RYR1: variants seen among roughly 807,000 people sequenced by gnomAD.
The protein encoded by RYR1 is central core disease of muscle.
A neutral mutation model predicts 583.5 loss-of-function variants in RYR1; 342 were observed. The ratio of observed to expected loss-of-function variants is 0.59; its 90% CI spans 0.54 to 0.64. The LOEUF is 0.64. RYR1 is among the 30% of genes least tolerant of loss of function. The pLI, the probability that RYR1 is intolerant of heterozygous loss-of-function variation, is 0.00. For synonymous variants in RYR1, 2,791 were observed against 2,822.5 expected, an observed-to-expected ratio of 0.99 and a Z score of 0.35; for missense variants, 6,032 against 6,917.2, an observed-to-expected ratio of 0.87 and a Z score of 4.54.
At chr19:38,497,490 G>A (rs567458352) in intron 42 of RYR1, among the ~76,000 whole-genome samples, 1 of 152,308 alleles carries the variant, frequency 6.6e-6, no homozygotes, top group East Asian at 1.9e-4. Flanking sequence ...CCAGACCCCT[G>A]TTGTCTCATC....
chr19:38,550,952 G>A (rs1972637502), intron 89 of RYR1, among the ~76,000 whole-genome samples: 1 of 144,726 alleles, frequency 6.9e-6, no homozygotes, highest in Admixed American at 7.0e-5. Flanking sequence ...CTGTAAGAAA[G>A]AGTGTTTCCT....
rs1485927859 is a variant in RYR1 at position 38,543,681 on chromosome 19, C to T, written c.11907+21C>T. ...TCCAGGTAGGGCGCTCCCCCTGGGG[C>T]GGGAGTGGGAAGGGAGGGGGTCCCG... On this transcript the variant is annotated intron_variant, in intron 86 of 105. Transcript: ENST00000359596. This position sits in a 1 kb window ranked among gnomAD's most constrained non-coding sequence, Gnocchi z 4.4. 2.5e-6 allele frequency: 4 copies of T among 1,612,930 alleles called. No homozygotes were observed. The highest frequency in any genetic ancestry group is 1.1e-5 in the South Asian group (1 of 91,082).
chr19:38,555,510 TAA>T (rs1444919708), intron 89 of RYR1, among the ~76,000 whole-genome samples: 5 of 150,868 alleles, frequency 3.3e-5, no homozygotes, highest in African/African-American at 1.2e-4. Context: ...TGTGTGGCCT[TAA>T]AAGACGTTCC....
Position 38,502,965 on chromosome 19 carries a change from C to G in RYR1, c.7921C>G (p.Leu2641Val), listed in dbSNP as rs371447916. 1 of 1,609,152 alleles carries G rather than the reference C, an allele frequency of 6.2e-7. No homozygotes were observed. The highest frequency in any genetic ancestry group is 1.1e-5 in the South Asian group (1 of 91,074). The change falls in exon 49 of 106, where the codon CTC becomes GTC. Residue 2641 changes from leucine (L) to valine (V), a missense_variant. Transcript: ENST00000359596. ...CCTCAACGAGTTCGCCAAGATGCCA[C>G]TCAAGGTGAGGGCAAGCGCTCTTTA... ...PILNEFAKMP[L>V]KLLTNHYERC...
chr19:38,441,573 C>T (rs12975212), intron 2 of RYR1, among the ~76,000 whole-genome samples: 10,938 of 149,768 alleles, frequency 0.073, 693 homozygotes, highest in African/African-American at 0.16. Context: ...ATCGAGGGGC[C>T]GAGGGCCTTG....
chr19:38,497,585 G>A (rs182417190), intron 42 of RYR1, among the ~76,000 whole-genome samples: 15 of 152,270 alleles, frequency 9.9e-5, no homozygotes, highest in African/African-American at 3.4e-4. Flanking sequence ...GTTTGTAAAG[G>A]GGCAGTCAGT....
chr19:38,533,783 C>CA (rs1307585464), intron 78 of RYR1, among the ~76,000 whole-genome samples: 1,763 of 76,134 alleles, frequency 0.023, 40 homozygotes, highest in Admixed American at 0.11. Flanking sequence ...GACTCCATCT[C>CA]AAAAAAAAAA....
rs746763718 is a variant in RYR1 at position 38,502,487 on chromosome 19, G to A, written c.7615-20G>A. 2.9e-5 allele frequency: 46 copies of A among 1,598,952 alleles called. No homozygotes were observed. Among genetic ancestry groups the A allele is most frequent in the Middle Eastern group, 1.8e-4 (1 of 5,708 alleles). Reference sequence around the variant, plus strand: ...CCCAGGGGTGTGCAGCGGGCCTGATGTCCTCACCCTGCGCCCTAGGCCACT... The same window carrying A: ...CCCAGGGGTGTGCAGCGGGCCTGATATCCTCACCCTGCGCCCTAGGCCACT... On this transcript the variant is annotated intron_variant, in intron 47 of 105. Transcript: ENST00000359596.
intron 11 of RYR1, 116 bp from the exon 12 acceptor site, chr19:38,451,648 G>T: frequency 8.2e-7 from 1 of 1,223,034 alleles, no homozygotes; most frequent in South Asian, 1.2e-5. Context: ...TTTGCAGTGA[G>T]ATTCTGCAGA....
intron 61 of RYR1, 145 bp from the exon 62 acceptor site, chr19:38,511,927 A>T: frequency 1.0e-6 from 1 of 964,250 alleles, no homozygotes; most frequent in Non-Finnish European, 1.6e-6. Flanking sequence ...GCGCTGTAGG[A>T]GTCTGGGGGG....
Position 38,511,549 on chromosome 19 carries a change from C to G in RYR1, c.9123-12C>G, listed in dbSNP as rs1238566593. The G allele has an allele frequency of 3.7e-6, 6 of 1,613,784 alleles. No individual in the cohort carries two copies. The highest frequency in any genetic ancestry group is 2.2e-5 in the East Asian group (1 of 44,888). On this transcript the variant is annotated splice_polypyrimidine_tract_variant and intron_variant, in intron 60 of 105. Coordinates refer to ENST00000359596, the MANE Select transcript of RYR1 (RefSeq NM_000540.3). Reference sequence around the variant, plus strand: ...TGTTTCTCCTGCCTTCTGTCCCTTTCTCTTTCTTCAGCCTCTTCTGCAAAC... The same window carrying G: ...TGTTTCTCCTGCCTTCTGTCCCTTTGTCTTTCTTCAGCCTCTTCTGCAAAC...
intron 69 of RYR1, 107 bp downstream of exon 69, chr19:38,523,416 C>CCCTGCAGT: frequency 7.8e-7 from 1 of 1,283,232 alleles, no homozygotes; most frequent in Non-Finnish European, 1.1e-6. Flanking sequence ...TGGGCGCAAT[C>CCCTGCAGT]CCTGCAGTCC....
intron 100 of RYR1, 74 bp downstream of exon 100, chr19:38,580,202 G>T: frequency 4.3e-6 from 7 of 1,609,332 alleles, no homozygotes; most frequent in Non-Finnish European, 5.9e-6. Flanking sequence ...AGGGATAAGG[G>T]CCGGGCAGCT....
Position 38,506,316 on chromosome 19 carries a change from GAGA to G in RYR1, c.8558_8560del (p.Glu2853del), listed in dbSNP as rs1342156573. 6.2e-7 allele frequency: 1 copy of G among 1,613,526 alleles called. No homozygotes were observed. The highest frequency in any genetic ancestry group is 8.5e-7 in the Non-Finnish European group (1 of 1,179,832). On this transcript the variant is annotated inframe_deletion, in exon 55 of 106. Transcript: ENST00000359596. ...TTGTCCTCTCAGACCTATGATCCTC[GAGA>G]AGGCTACAACCCTCAGCCCCCCGAC... is the stretch of plus-strand genomic sequence containing the variant.
intron 89 of RYR1, among the ~76,000 whole-genome samples, chr19:38,550,004 C>T (rs1972599897): frequency 6.6e-6 from 1 of 151,116 alleles, no homozygotes; most frequent in South Asian, 2.1e-4. Flanking sequence ...GATCTGCCTG[C>T]CTCGGCCTCC....
At chr19:38,582,880 A>C (rs571393496) in intron 101 of RYR1, among the ~76,000 whole-genome samples, 1 of 152,116 alleles carries the variant, frequency 6.6e-6, no homozygotes, top group East Asian at 1.9e-4. Context: ...CAGCTCCTCA[A>C]CCTGACATCT....
Position 38,467,764 on chromosome 19 carries a change from T to TGTAGA in RYR1, c.3335_3339dup (p.Leu1114Ter). The TGTAGA allele has an allele frequency of 1.2e-6, 2 of 1,614,190 alleles. No individual in the cohort carries two copies. Among genetic ancestry groups the TGTAGA allele is most frequent in the Non-Finnish European group, 1.7e-6 (2 of 1,180,034 alleles). On this transcript the variant is annotated frameshift_variant, in exon 25 of 106. Transcript: ENST00000359596. LOFTEE classifies it high-confidence loss of function. Reference sequence around the variant, plus strand: ...GGGCGAGGCCCGAGCTGAGGCCTGATGTAGAGCTGGGAGCTGACGAGCTGG... The same window carrying TGTAGA: ...GGGCGAGGCCCGAGCTGAGGCCTGATGTAGAGTAGAGCTGGGAGCTGACGAGCTGG...
rs755998154 is a variant in RYR1, at chr19:38,528,348, C to T, written c.10867C>T (p.Leu3623Phe). The T allele has an allele frequency of 6.2e-7, 1 of 1,614,082 alleles. No individual in the cohort carries two copies. Among genetic ancestry groups the T allele is most frequent in the Non-Finnish European group, 8.5e-7 (1 of 1,180,046 alleles). ...GTCTAAGAAGGCCGTGTGGCACAAG[C>T]TTTTGTCCAAACAGCGCCGGCGGGC... ...YKSKKAVWHK[L>F]LSKQRRRAVV... The change falls in exon 74 of 106, where the codon CTT becomes TTT. Residue 3623 changes from leucine (L) to phenylalanine (F), a missense_variant. Transcript: ENST00000359596.
intron 72 of RYR1, 96 bp downstream of exon 72, chr19:38,527,148 G>A: frequency 1.4e-6 from 2 of 1,386,428 alleles, no homozygotes; most frequent in Admixed American, 3.8e-5. Context: ...AGGCATTGAA[G>A]AAAGACCTCA....
Sources: allele counts gnomAD v4.1 joint callset (sites outside exome capture counted in the v4.1 genomes callset), GRCh38; gene constraint gnomAD v4.1.1; non-coding constraint Gnocchi (gnomAD v3.1); transcripts MANE v1.5; gene names NCBI Gene and HGNC (gene_info 2026-07-23, HGNC 2026-07-21).